The following TUNAR variants were observed in gnomAD, a reference collection of about 807,000 sequenced individuals.
TUNAR encodes the protein transmembrane neural differentiation associated intracellular calcium regulator.
chr14:95,891,003 G>C (rs762332346), intron 2 of TUNAR, among the ~76,000 whole-genome samples: 3 of 152,150 alleles, frequency 2.0e-5, no homozygotes, highest in Non-Finnish European at 4.4e-5. Flanking sequence ...AGAAAGAATC[G>C]ACCCGTGTCT....
intron 2 of TUNAR, among the ~76,000 whole-genome samples, chr14:95,885,236 C>T (rs1015660836): frequency 3.3e-5 from 5 of 152,222 alleles, no homozygotes; most frequent in African/African-American, 1.2e-4. Flanking sequence ...CATTTTCACG[C>T]TCAGCATCAA....
chr14:95,905,017 C>G (rs1415168989), intron 2 of TUNAR, among the ~76,000 whole-genome samples: 1 of 152,216 alleles, frequency 6.6e-6, no homozygotes, highest in African/African-American at 2.4e-5. Context: ...CCTGCATCCT[C>G]TAGAGGCATT....
chr14:95,923,044 C>T (rs905480535), exon 3 of TUNAR: 8 of 398,584 alleles, frequency 2.0e-5, no homozygotes, highest in Non-Finnish European at 2.7e-5. Context: ...CTGACCAGAC[C>T]CTGCGAGAAC....
intron 2 of TUNAR, among the ~76,000 whole-genome samples, chr14:95,885,158 C>T (rs1436615774): frequency 6.6e-6 from 1 of 152,162 alleles, no homozygotes; most frequent in Non-Finnish European, 1.5e-5. Flanking sequence ...TGAAAAAGGC[C>T]AGGAAAACTT....
intron 2 of TUNAR, among the ~76,000 whole-genome samples, chr14:95,920,927 G>A (rs1431482152): frequency 1.3e-5 from 2 of 152,148 alleles, no homozygotes; most frequent in Non-Finnish European, 2.9e-5. Flanking sequence ...CCTGAGATCC[G>A]CAGGATGAGT....
At chr14:95,896,877 A>G (rs1218424169) in intron 2 of TUNAR, among the ~76,000 whole-genome samples, 1 of 151,870 alleles carries the variant, frequency 6.6e-6, no homozygotes, top group East Asian at 1.9e-4. Flanking sequence ...AGCCCTCCAT[A>G]TTTTCCATGA....
At chr14:95,884,076 G>A (rs1052919960) in intron 2 of TUNAR, among the ~76,000 whole-genome samples, 3 of 151,982 alleles carry the variant, frequency 2.0e-5, no homozygotes, top group African/African-American at 7.3e-5. Context: ...TTCACCCACC[G>A]CCGTGCTGTC....
intron 2 of TUNAR, among the ~76,000 whole-genome samples, chr14:95,917,529 A>G (rs73338780): frequency 0.081 from 12,379 of 152,254 alleles, 1,663 homozygotes; most frequent in African/African-American, 0.28. Context: ...CAAAAACCCC[A>G]TAGACATTTT....
At chr14:95,921,033 C>T (rs998785492) in intron 2 of TUNAR, among the ~76,000 whole-genome samples, 3 of 152,056 alleles carry the variant, frequency 2.0e-5, no homozygotes, top group Admixed American at 1.3e-4. Flanking sequence ...ATCAACAGTT[C>T]GAGTCCAAAG....
At chr14:95,899,424 T>C (rs1347645500) in intron 2 of TUNAR, among the ~76,000 whole-genome samples, 1 of 152,228 alleles carries the variant, frequency 6.6e-6, no homozygotes, top group African/African-American at 2.4e-5. Flanking sequence ...GAAGGATTCC[T>C]GGGTCCCCGA....
intron 2 of TUNAR, among the ~76,000 whole-genome samples, chr14:95,909,743 A>G (rs55980203): frequency 0.028 from 4,298 of 152,206 alleles, 179 homozygotes; most frequent in African/African-American, 0.097. Flanking sequence ...GAGGACATGG[A>G]GGTGAATCTG....
rs76297793 is a variant in TUNAR at position 95,895,001 on chromosome 14, G to A, written c.12+17824G>A. On this transcript the variant is annotated intron_variant, in intron 2 of 2. Transcript: ENST00000678517. The surrounding 1 kb of genome is among the most constrained non-coding windows in gnomAD (Gnocchi z 4.5). ...TGCTGGGCACCACCTCTCTCCTGAC[G>A]ATAGGTTGGAGCTGAGGGCACAGAA... is the stretch of plus-strand genomic sequence containing the variant. 0.047 allele frequency among the ~76,000 whole-genome samples: 7,195 copies of A among 152,302 alleles called. 223 individuals carry two copies. Among genetic ancestry groups the A allele is most frequent in the Non-Finnish European group, 0.069 (4,683 of 68,026 alleles).
chr14:95,913,818 C>T (rs921285035), intron 2 of TUNAR, among the ~76,000 whole-genome samples: 5 of 152,106 alleles, frequency 3.3e-5, no homozygotes, highest in Admixed American at 1.3e-4. Flanking sequence ...CTGCAACCTC[C>T]GCCTCCCAGG....
At chr14:95,923,278 A>G (rs1889727619) in exon 3 of TUNAR, 2 of 243,994 alleles carry the variant, frequency 8.2e-6, no homozygotes, top group Admixed American at 1.1e-4. Flanking sequence ...GGGTGCAGAA[A>G]TTCATTATTC....
chr14:95,881,580 C>T (rs758626722), intron 2 of TUNAR, among the ~76,000 whole-genome samples: 8 of 152,206 alleles, frequency 5.3e-5, no homozygotes, highest in Admixed American at 2.6e-4. Context: ...AAGACCTTCA[C>T]GGTTCACCTA....
intron 2 of TUNAR, among the ~76,000 whole-genome samples, chr14:95,889,463 C>A (rs1014835570): frequency 6.6e-6 from 1 of 150,656 alleles, no homozygotes; most frequent in Non-Finnish European, 1.5e-5. Flanking sequence ...CCCTCCTCTC[C>A]CTCCCCCTCC....
chr14:95,888,928 G>A (rs1382804774), intron 2 of TUNAR, among the ~76,000 whole-genome samples: 4 of 152,318 alleles, frequency 2.6e-5, no homozygotes, highest in East Asian at 3.9e-4. Context: ...AGGCAGCAGA[G>A]TGGGGTGTCG....
At chr14:95,916,600 C>G (rs1181469319) in intron 2 of TUNAR, among the ~76,000 whole-genome samples, 1 of 152,186 alleles carries the variant, frequency 6.6e-6, no homozygotes, top group Admixed American at 6.5e-5. Flanking sequence ...TATCCATGTA[C>G]CCTGCTGCTC....
chr14:95,883,724 C>T (rs951912100), intron 2 of TUNAR, among the ~76,000 whole-genome samples: 2 of 152,080 alleles, frequency 1.3e-5, no homozygotes, highest in Non-Finnish European at 1.5e-5. Context: ...GCCAAGCCAC[C>T]CCCCCGCCGC....
Sources: allele counts gnomAD v4.1 joint callset (sites outside exome capture counted in the v4.1 genomes callset), GRCh38; gene constraint gnomAD v4.1.1; non-coding constraint Gnocchi (gnomAD v3.1); transcripts MANE v1.5; gene names NCBI Gene and HGNC (gene_info 2026-07-23, HGNC 2026-07-21).